SLC8A1: variants seen among roughly 807,000 people sequenced by gnomAD.
SLC8A1 encodes the protein sodium/calcium exchanger 1.
In SLC8A1, 18 loss-of-function variants were observed where a neutral mutation model predicts 68.3. The ratio of observed to expected loss-of-function variants is 0.26; its 90% CI spans 0.18 to 0.39. The LOEUF (loss-of-function observed/expected upper bound fraction) is 0.39, where lower values mean the gene tolerates loss of function less well. Among genes scored for constraint, SLC8A1 ranks in the 10% least tolerant of loss-of-function variants. The pLI is 1.00. For synonymous variants in SLC8A1, 475 were observed against 415.5 expected, an observed-to-expected ratio of 1.14 and a Z score of -1.74; for missense variants, 985 against 1,156.7, an observed-to-expected ratio of 0.85 and a Z score of 2.15.
chr2:40,238,683 T>C (rs915324412), intron 2 of SLC8A1, among the ~76,000 whole-genome samples: 2 of 152,242 alleles, frequency 1.3e-5, no homozygotes, highest in African/African-American at 4.8e-5. Flanking sequence ...ATGCAATCAG[T>C]CTTCTATATT....
chr2:40,132,291 T>G (rs2039539135), intron 7 of SLC8A1, among the ~76,000 whole-genome samples: 2 of 152,108 alleles, frequency 1.3e-5, no homozygotes, highest in South Asian at 4.1e-4. Context: ...CCTACAAACT[T>G]TGGCTAAATA....
intron 2 of SLC8A1, among the ~76,000 whole-genome samples, chr2:40,399,491 A>G (rs1688029869): frequency 6.6e-6 from 1 of 152,160 alleles, no homozygotes; most frequent in Non-Finnish European, 1.5e-5. Context: ...AGTTGGCTGA[A>G]GGAATTTTAT....
At chr2:40,291,702 T>C (rs1394662020) in intron 2 of SLC8A1, among the ~76,000 whole-genome samples, 1 of 152,184 alleles carries the variant, frequency 6.6e-6, no homozygotes, top group African/African-American at 2.4e-5. Flanking sequence ...CTCAAATATT[T>C]AAAGAATAAC....
At chr2:40,301,719 G>A (rs2071497202) in intron 2 of SLC8A1, among the ~76,000 whole-genome samples, 1 of 152,030 alleles carries the variant, frequency 6.6e-6, no homozygotes, top group South Asian at 2.1e-4. Flanking sequence ...GATATGGAAA[G>A]TTCCTTATCC....
At chr2:40,476,506 T>G (rs1704304401) in intron 1 of SLC8A1, among the ~76,000 whole-genome samples, 1 of 152,108 alleles carries the variant, frequency 6.6e-6, no homozygotes, top group Admixed American at 6.5e-5. Flanking sequence ...ACTGAGAGGA[T>G]GTTTAGGTAA....
intron 2 of SLC8A1, among the ~76,000 whole-genome samples, chr2:40,206,849 T>C (rs2055549145): frequency 6.6e-6 from 1 of 152,100 alleles, no homozygotes; most frequent in Non-Finnish European, 1.5e-5. Context: ...AAAATGGTTT[T>C]CATTTTCTTC....
intron 2 of SLC8A1, among the ~76,000 whole-genome samples, chr2:40,366,977 A>G (rs1676413136): frequency 6.6e-6 from 1 of 152,004 alleles, no homozygotes; most frequent in African/African-American, 2.4e-5. Flanking sequence ...AGCATCTTAA[A>G]ATTCCACCTG....
chr2:40,497,841 C>A (rs1371062432), intron 1 of SLC8A1, among the ~76,000 whole-genome samples: 1 of 151,984 alleles, frequency 6.6e-6, no homozygotes, highest in South Asian at 2.1e-4. Flanking sequence ...AAGATTTTTA[C>A]CTGTGGGTGT....
chr2:40,368,125 T>A (rs761449622), intron 2 of SLC8A1, among the ~76,000 whole-genome samples: 1 of 152,056 alleles, frequency 6.6e-6, no homozygotes, highest in African/African-American at 2.4e-5. Context: ...CTTTTAATCA[T>A]TGATAAAAAC....
intron 1 of SLC8A1, among the ~76,000 whole-genome samples, chr2:40,485,975 T>C (rs1381498681): frequency 6.6e-6 from 1 of 152,224 alleles, no homozygotes; most frequent in Non-Finnish European, 1.5e-5. Flanking sequence ...CCCACTCAAA[T>C]GTCATCTTGA....
intron 2 of SLC8A1, among the ~76,000 whole-genome samples, chr2:40,321,284 G>C (rs537764307): frequency 6.6e-6 from 1 of 152,028 alleles, no homozygotes; most frequent in African/African-American, 2.4e-5. Context: ...TGAAATCTCG[G>C]TGTATGGTTT....
In SLC8A1 at chr2:40,209,422, TAAG is replaced by T. The variant is rs1359285717; in HGVS notation, c.1809-31570_1809-31568del. Among the ~76,000 whole-genome samples, 6 of 152,012 alleles carry T rather than the reference TAAG, an allele frequency of 3.9e-5. No homozygotes were observed. In the East Asian group the frequency reaches 1.2e-3, roughly 30 times the overall value. ...ATGATCCTGGAGGAAAGGTGAGAGT[TAAG>T]AGTAGAGTGAGGGGAAGTGGTTGGT... On this transcript the variant is annotated intron_variant, in intron 2 of 7. Coordinates refer to ENST00000406785, the Ensembl canonical transcript of SLC8A1.
At chr2:40,452,496 T>G (rs1702684880), upstream of SLC8A1, among the ~76,000 whole-genome samples, 1 of 152,128 alleles carries the variant, frequency 6.6e-6, no homozygotes, top group Non-Finnish European at 1.5e-5. Context: ...CGCTGCAACT[T>G]TTCTTTTGAA....
Position 40,112,905 on chromosome 2 carries a change from G to T in SLC8A1, c.*2348C>A, listed in dbSNP as rs139821847. 2.8e-3 allele frequency: 420 copies of T among 152,440 alleles called. 2 individuals carry two copies. Among genetic ancestry groups the T allele is most frequent in the African/African-American group, 9.6e-3 (399 of 41,564 alleles). The allele number at this position is 152,440 out of a possible 1,614,324, so 9.4% of individuals were successfully genotyped here. ...TATGCCTTATGCTCTCTTAGTTAAA[G>T]AAATTCTTGGGTATAAATACAATTT... On this transcript the variant is annotated 3_prime_UTR_variant, in exon 8 of 8. Transcript: ENST00000406785.
chr2:40,492,994 G>T (rs1705423087), intron 1 of SLC8A1, among the ~76,000 whole-genome samples: 1 of 151,766 alleles, frequency 6.6e-6, no homozygotes, highest in African/African-American at 2.4e-5. Context: ...CCCATTACTG[G>T]GTATATACCC....
At chr2:40,466,339 T>C (rs1703671037) in intron 1 of SLC8A1, among the ~76,000 whole-genome samples, 1 of 152,128 alleles carries the variant, frequency 6.6e-6, no homozygotes, top group Non-Finnish European at 1.5e-5. Context: ...ATGGAAAATT[T>C]TGTGGAACGA....
chr2:40,466,147 G>T (rs1703657742), intron 1 of SLC8A1, among the ~76,000 whole-genome samples: 1 of 152,022 alleles, frequency 6.6e-6, no homozygotes, highest in South Asian at 2.1e-4. Context: ...TAAAACAAGG[G>T]GGAAATTGAG....
At chr2:40,378,448 G>C (rs1205668828) in intron 2 of SLC8A1, among the ~76,000 whole-genome samples, 1 of 152,146 alleles carries the variant, frequency 6.6e-6, no homozygotes. Flanking sequence ...CTGAAGTAGA[G>C]TATGTGATGG....
intron 2 of SLC8A1, among the ~76,000 whole-genome samples, chr2:40,188,609 TA>T: frequency 6.6e-6 from 1 of 152,286 alleles, no homozygotes; most frequent in Middle Eastern, 3.4e-3. Context: ...TTTTTCAAAG[TA>T]AAAAGTGTCA....
Sources: gnomAD v4.1 joint callset for allele counts (sites outside exome capture counted in the v4.1 genomes callset) on GRCh38, gnomAD v4.1.1 for gene constraint, MANE v1.5 for transcripts, NCBI Gene and HGNC (gene_info 2026-07-23, HGNC 2026-07-21) for gene names.